AUH: variants seen among roughly 807,000 people sequenced by gnomAD.
AUH encodes methylglutaconyl-CoA hydratase, mitochondrial.
A neutral mutation model predicts 42.3 loss-of-function variants in AUH; 29 were observed. That is an observed-to-expected ratio of 0.69 (90% CI 0.51 to 0.93). AUH has a LOEUF of 0.93. AUH is among the 40% of genes least tolerant of loss of function. AUH has a pLI of 0.00. For missense variants in AUH, 452 were observed against 438.1 expected (o/e 1.03, Z -0.28); for synonymous variants, 174 against 166.4 (o/e 1.05, Z -0.35).
chr9:91,305,421 T>C (rs1828133407), intron 4 of AUH, among the ~76,000 whole-genome samples: 3 of 152,188 alleles, frequency 2.0e-5, no homozygotes, highest in African/African-American at 7.2e-5. Flanking sequence ...AGTAAACTGG[T>C]GAAGTCCTAA....
chr9:91,214,209 G>C lies in AUH; in HGVS notation c.*139C>G, dbSNP rs557562999. On this transcript the variant is annotated 3_prime_UTR_variant, in exon 10 of 10. Transcript: ENST00000375731. ...GAAGTACACGGATGGGTCCATTCCA[G>C]ATGCTTATTACACCGTATGAATAAT... is the stretch of plus-strand genomic sequence containing the variant. 8.1e-6 allele frequency: 6 copies of C among 738,330 alleles called. No individual in the cohort carries two copies. In the Admixed American group the frequency reaches 1.2e-4, roughly 15 times the overall value. 45.7% of individuals were successfully genotyped at this position (738,330 alleles called of 1,614,324 possible).
intron 6 of AUH, among the ~76,000 whole-genome samples, chr9:91,250,982 G>A (rs1829094450): frequency 6.6e-6 from 1 of 152,224 alleles, no homozygotes; most frequent in Non-Finnish European, 1.5e-5. Context: ...CGTGGGTGGA[G>A]TGGCAGCTTC....
At chr9:91,216,336 G>A (rs1826819860) in intron 8 of AUH, among the ~76,000 whole-genome samples, 1 of 152,026 alleles carries the variant, frequency 6.6e-6, no homozygotes, top group South Asian at 2.1e-4. Flanking sequence ...ACCTCTCTGT[G>A]CTTCAAAGAG....
chr9:91,265,259 C>T (rs1306534132), intron 6 of AUH, among the ~76,000 whole-genome samples: 3 of 151,446 alleles, frequency 2.0e-5, no homozygotes, highest in Non-Finnish European at 4.4e-5. Flanking sequence ...GGTTAATTCC[C>T]CACATATTTG....
At chr9:91,320,383 G>A (rs1829477650) in intron 4 of AUH, among the ~76,000 whole-genome samples, 1 of 152,208 alleles carries the variant, frequency 6.6e-6, no homozygotes, top group Non-Finnish European at 1.5e-5. Flanking sequence ...AGTATGCCCT[G>A]TGACAGTACC....
intron 6 of AUH, among the ~76,000 whole-genome samples, chr9:91,274,902 C>T (rs933649923): frequency 6.6e-6 from 1 of 152,140 alleles, no homozygotes; most frequent in African/African-American, 2.4e-5. Context: ...CAAAATGATG[C>T]TATATCTGAA....
chr9:91,310,088 C>T (rs1301930951), intron 4 of AUH, among the ~76,000 whole-genome samples: 3 of 152,210 alleles, frequency 2.0e-5, no homozygotes, highest in African/African-American at 7.2e-5. Context: ...AGCATCACTA[C>T]CTTCACATAT....
At chr9:91,319,021 A>G (rs1236169016) in intron 4 of AUH, among the ~76,000 whole-genome samples, 1 of 152,224 alleles carries the variant, frequency 6.6e-6, no homozygotes. Context: ...CAGAAGTTTC[A>G]TATTTATTGG....
At chr9:91,279,715 AG>A (rs543265456) in intron 6 of AUH, among the ~76,000 whole-genome samples, 13 of 152,216 alleles carry the variant, frequency 8.5e-5, no homozygotes, top group Admixed American at 6.5e-4. Context: ...ACTTCCCACC[AG>A]GCCCCTCCTC....
chr9:91,293,583 C>T (rs530957713), intron 6 of AUH, among the ~76,000 whole-genome samples: 4 of 152,136 alleles, frequency 2.6e-5, no homozygotes, highest in Non-Finnish European at 4.4e-5. Flanking sequence ...AAGTCTGAGA[C>T]AAGTGAAGAA....
chr9:91,330,583 T>C lies in AUH; in HGVS notation c.419-5179A>G, dbSNP rs1018396923. Among the ~76,000 whole-genome samples, 5 of 152,300 alleles carry C rather than the reference T, an allele frequency of 3.3e-5. No homozygotes were observed. The East Asian group carries it at 5.8e-4, about 18-fold the overall frequency. On this transcript the variant is annotated intron_variant, in intron 3 of 9. Transcript: ENST00000375731. ...TTGGAAAGCAATTCCACTCCAAATATACACACTCAACAAAAAATGCATGAT... is the reference window on the plus strand; with the variant it reads ...TTGGAAAGCAATTCCACTCCAAATACACACACTCAACAAAAAATGCATGAT...
intron 6 of AUH, among the ~76,000 whole-genome samples, chr9:91,290,172 T>C (rs920680852): frequency 6.7e-5 from 10 of 149,682 alleles, no homozygotes; most frequent in Admixed American, 3.3e-4. Flanking sequence ...TCCCAGCACT[T>C]TGGGAAGCCA....
At chr9:91,267,894 G>A (rs972553396) in intron 6 of AUH, among the ~76,000 whole-genome samples, 65 of 152,148 alleles carry the variant, frequency 4.3e-4, no homozygotes, top group African/African-American at 1.4e-3. Context: ...ATGACAACGC[G>A]GATTTGCTGG....
At chr9:91,270,870 C>T (rs974321302) in intron 6 of AUH, among the ~76,000 whole-genome samples, 2 of 151,908 alleles carry the variant, frequency 1.3e-5, no homozygotes, top group Admixed American at 6.6e-5. Context: ...GAATAGTATG[C>T]ATAGAAAAAT....
At chr9:91,233,787 A>G (rs1828025911) in intron 6 of AUH, among the ~76,000 whole-genome samples, 1 of 152,168 alleles carries the variant, frequency 6.6e-6, no homozygotes, top group African/African-American at 2.4e-5. Context: ...TCTTCTGTAT[A>G]AGGTTACAAT....
chr9:91,345,622 A>G (rs1390520283), intron 3 of AUH, among the ~76,000 whole-genome samples: 1 of 152,010 alleles, frequency 6.6e-6, no homozygotes, highest in Non-Finnish European at 1.5e-5. Context: ...TCACGAGATC[A>G]GGAGATCGAG....
chr9:91,268,395 C>T (rs1838203622), intron 6 of AUH, among the ~76,000 whole-genome samples: 1 of 151,890 alleles, frequency 6.6e-6, no homozygotes, highest in African/African-American at 2.4e-5. Flanking sequence ...AGTGCAAGGA[C>T]CACACACACA....
At chr9:91,301,007 G>A (rs1338846495) in intron 4 of AUH, among the ~76,000 whole-genome samples, 2 of 152,132 alleles carry the variant, frequency 1.3e-5, no homozygotes, top group African/African-American at 4.8e-5. Context: ...TTACTAATCT[G>A]GGACAAACCT....
At chr9:91,226,989 G>A (rs547232721) in intron 6 of AUH, among the ~76,000 whole-genome samples, 3,651 of 150,896 alleles carry the variant, frequency 0.024, 68 homozygotes, top group East Asian at 0.056. Flanking sequence ...GTAGTGTGAT[G>A]CCTCCAGCTT....
Sources: gnomAD v4.1 joint callset for allele counts (sites outside exome capture counted in the v4.1 genomes callset) on GRCh38, gnomAD v4.1.1 for gene constraint, MANE v1.5 for transcripts, NCBI Gene and HGNC (gene_info 2026-07-23, HGNC 2026-07-21) for gene names.